Variants in AHI1 observed in about 807,000 individuals in gnomAD.
AHI1 encodes the protein Abelson helper integration site 1.
Under a neutral mutation model 149.3 loss-of-function variants are expected in AHI1, and 123 were observed. The ratio of observed to expected loss-of-function variants is 0.82; its 90% confidence interval spans 0.71 to 0.96. The LOEUF (loss-of-function observed/expected upper bound fraction) is 0.96. Among genes scored for constraint, AHI1 ranks in the 40% least tolerant of loss-of-function variants. The pLI, the probability that AHI1 is intolerant of heterozygous loss-of-function variation, is 0.00. For missense variants in AHI1, 1,439 were observed against 1,422.7 expected (o/e 1.01, Z -0.18); for synonymous variants, 475 against 459.8 (o/e 1.03, Z -0.42).
intron 13 of AHI1, among the ~76,000 whole-genome samples, chr6:135,444,931 C>G (rs1368427483): frequency 6.6e-6 from 1 of 152,216 alleles, no homozygotes; most frequent in East Asian, 1.9e-4. Flanking sequence ...GGTCTCCAAA[C>G]TACATTTTGA....
chr6:135,284,425 AT>A lies in AHI1; in HGVS notation c.*1219del, dbSNP rs1472558247. ...TTTGGATAGGTCTTTCTAATTTTAT[AT>A]TAGTTTTCACTTTCTTGGGGTTAAA... On this transcript the variant is annotated 3_prime_UTR_variant, in exon 29 of 29. Coordinates refer to ENST00000265602, the MANE Select transcript of AHI1 (RefSeq NM_001134831.2). 1.3e-5 allele frequency: 2 copies of A among 152,142 alleles called. No individual in the cohort carries two copies. Among genetic ancestry groups the A allele is most frequent in the Non-Finnish European group, 1.5e-5 (1 of 68,024 alleles). 9.4% of individuals were successfully genotyped at this position (152,142 alleles called of 1,614,324 possible). A position where few individuals can be genotyped will look rare whatever the true frequency, so the allele number is the denominator to read the frequency against.
At chr6:135,302,335 T>A (rs1783980902) in intron 26 of AHI1, 1 of 985,616 alleles carries the variant, frequency 1.0e-6, no homozygotes, top group African/African-American at 1.7e-5. Context: ...GGGAGAGAAG[T>A]CATACTGAAC....
At chr6:135,459,165 G>T (rs1283850506) in intron 8 of AHI1, among the ~76,000 whole-genome samples, 4 of 152,124 alleles carry the variant, frequency 2.6e-5, no homozygotes, top group Non-Finnish European at 4.4e-5. Context: ...AAACTCAGAG[G>T]ATTGAAATCA....
intron 24 of AHI1, among the ~76,000 whole-genome samples, chr6:135,338,723 C>T (rs577173013): frequency 6.6e-6 from 1 of 152,260 alleles, no homozygotes; most frequent in Admixed American, 6.5e-5. Flanking sequence ...TTTCTCTATT[C>T]TTATCATCCC....
chr6:135,300,959 T>A, intron 26 of AHI1: 11 of 986,156 alleles, frequency 1.1e-5, no homozygotes, highest in Non-Finnish European at 1.3e-5. Flanking sequence ...ATTTTCATAG[T>A]AATACACATT....
chr6:135,367,399 T>C (rs1304361932), intron 23 of AHI1, among the ~76,000 whole-genome samples: 1 of 152,202 alleles, frequency 6.6e-6, no homozygotes, highest in Non-Finnish European at 1.5e-5. Context: ...TTTGGATGTC[T>C]GTATCTCTAG....
intron 26 of AHI1, among the ~76,000 whole-genome samples, chr6:135,305,622 C>A (rs1784449237): frequency 6.6e-6 from 1 of 152,190 alleles, no homozygotes; most frequent in African/African-American, 2.4e-5. Flanking sequence ...ATTGCAACAG[C>A]CCCTTCTGGT....
intron 23 of AHI1, among the ~76,000 whole-genome samples, chr6:135,394,010 G>A (rs1778877355): frequency 6.6e-6 from 1 of 151,886 alleles, no homozygotes; most frequent in African/African-American, 2.4e-5. Context: ...TAAAAAAGTG[G>A]TATATATTGT....
chr6:135,454,155 A>G (rs1444361411), intron 10 of AHI1, among the ~76,000 whole-genome samples: 1 of 152,130 alleles, frequency 6.6e-6, no homozygotes, highest in Non-Finnish European at 1.5e-5. Flanking sequence ...AATATAAAAA[A>G]TATATAGATC....
At chr6:135,391,583 C>A (rs1202354197) in intron 23 of AHI1, among the ~76,000 whole-genome samples, 1 of 152,064 alleles carries the variant, frequency 6.6e-6, no homozygotes, top group African/African-American at 2.4e-5. Flanking sequence ...AATGTGAATT[C>A]CTCAGTGCGG....
intron 23 of AHI1, among the ~76,000 whole-genome samples, chr6:135,369,758 A>G (rs148435278): frequency 6.6e-6 from 1 of 152,160 alleles, no homozygotes; most frequent in East Asian, 1.9e-4. Context: ...AAGGTGTCCT[A>G]TCTGTTGTTA....
intron 3 of AHI1, among the ~76,000 whole-genome samples, chr6:135,494,847 C>A (rs1795753083): frequency 6.6e-6 from 1 of 152,098 alleles, no homozygotes; most frequent in Non-Finnish European, 1.5e-5. Context: ...CAGAAGCAAA[C>A]CCAAGTTTTA....
Position 135,428,624 on chromosome 6 carries a change from T to C in AHI1, c.2623+5A>G, listed in dbSNP as rs994180174. ...AATGATTTTTAAAGTTCAATAAACA[T>C]TCACCTGTTTCTGGGTTCCAAACAT... On this transcript the variant is annotated splice_donor_5th_base_variant and intron_variant, in intron 19 of 28. Transcript: ENST00000265602. 2.5e-6 allele frequency: 4 copies of C among 1,596,138 alleles called. No individual in the cohort carries two copies. The African/African-American group carries it at 5.4e-5, about 21-fold the overall frequency.
rs1424514495 is a variant in AHI1, at chr6:135,400,024, T to C, written c.2988+4927A>G. Among the ~76,000 whole-genome samples the C allele has an allele frequency of 3.9e-5, 6 of 152,104 alleles. No homozygotes were observed. In the South Asian group the frequency reaches 6.2e-4, roughly 16 times the overall value. ...TATTAAGTCCAGTCCCCAATAGTTA[T>C]CTTTTCTGCTCCTCTCTCTCCTCCC... On this transcript the variant is annotated intron_variant, in intron 22 of 28. Transcript: ENST00000265602.
At chr6:135,330,760 G>A (rs532015353) in intron 24 of AHI1, among the ~76,000 whole-genome samples, 11 of 152,294 alleles carry the variant, frequency 7.2e-5, no homozygotes, top group South Asian at 2.1e-4. Flanking sequence ...CAAAAACAGC[G>A]TGGCTCACGG....
intron 27 of AHI1, among the ~76,000 whole-genome samples, chr6:135,294,464 A>G (rs1343087163): frequency 6.6e-6 from 1 of 152,084 alleles, no homozygotes; most frequent in Non-Finnish European, 1.5e-5. Flanking sequence ...AGCCAAGATC[A>G]CGCCATTGCA....
chr6:135,285,014 G>C lies in AHI1; in HGVS notation c.*631C>G, dbSNP rs1156502317. 6.5e-6 allele frequency: 1 copy of C among 153,178 alleles called. No homozygotes were observed. The highest frequency in any genetic ancestry group is 2.4e-5 in the African/African-American group (1 of 41,390). The allele number at this position is 153,178 out of a possible 1,614,324, so 9.5% of individuals were successfully genotyped here. Reference sequence around the variant, plus strand: ...TGCCTCAGTAGATGGGATTACAGGTGCCTGCCATGAGACCCGGCTGATTTT... The same window carrying C: ...TGCCTCAGTAGATGGGATTACAGGTCCCTGCCATGAGACCCGGCTGATTTT... On this transcript the variant is annotated 3_prime_UTR_variant, in exon 29 of 29. Coordinates refer to ENST00000265602, the MANE Select transcript of AHI1 (RefSeq NM_001134831.2).
chr6:135,445,157 C>T (rs889366802), intron 13 of AHI1, among the ~76,000 whole-genome samples: 3 of 151,762 alleles, frequency 2.0e-5, no homozygotes, highest in African/African-American at 7.3e-5. Context: ...GTAAAATCAG[C>T]CTCAAAAAGA....
chr6:135,426,499 A>G (rs2128004005), intron 20 of AHI1, among the ~76,000 whole-genome samples: 1 of 151,840 alleles, frequency 6.6e-6, no homozygotes, highest in South Asian at 2.1e-4. Flanking sequence ...CAAATCAAAG[A>G]AACTAACAAA....
Sources: allele counts gnomAD v4.1 joint callset (sites outside exome capture counted in the v4.1 genomes callset), GRCh38; gene constraint gnomAD v4.1.1; transcripts MANE v1.5; gene names NCBI Gene and HGNC (gene_info 2026-07-23, HGNC 2026-07-21).